Variants in MOGAT1 observed in about 807,000 individuals in gnomAD.
The protein encoded by MOGAT1 is 2-acylglycerol O-acyltransferase 1.
MOGAT1 carries 32 observed loss-of-function variants against 31.4 expected under a neutral mutation model. That is an observed-to-expected ratio of 1.02 (90% CI 0.77 to 1.37). The LOEUF (loss-of-function observed/expected upper bound fraction) is 1.37, where lower values mean the gene tolerates loss of function less well. Among genes scored for constraint, MOGAT1 ranks in the 40% most tolerant of loss-of-function variants. The pLI, the probability that MOGAT1 is intolerant of heterozygous loss-of-function variation, is 0.00. For missense variants in MOGAT1, 426 were observed against 402.0 expected, an observed-to-expected ratio of 1.06 and a Z score of -0.51; for synonymous variants, 145 against 144.5, an observed-to-expected ratio of 1.00 and a Z score of -0.03.
intron 1 of MOGAT1, among the ~76,000 whole-genome samples, chr2:222,687,478 T>G (rs1281383912): frequency 6.6e-6 from 1 of 152,254 alleles, no homozygotes; most frequent in Non-Finnish European, 1.5e-5. Flanking sequence ...GTTTCTCTTT[T>G]CATAATTTTT....
chr2:222,695,343 T>C, intron 5 of MOGAT1, 55 bp downstream of exon 5: 5 of 1,250,526 alleles, frequency 4.0e-6, no homozygotes, highest in Non-Finnish European at 5.5e-6. Flanking sequence ...TGTTTCTTGT[T>C]ATTGATTGAG....
chr2:222,709,828 T>C lies in MOGAT1; in HGVS notation c.946T>C (p.Leu316=), dbSNP rs1693088209. 6.2e-7 allele frequency: 1 copy of C among 1,613,424 alleles called. No homozygotes were observed. The highest frequency in any genetic ancestry group is 1.7e-5 in the Admixed American group (1 of 59,992). ...HQTYMEELRK[L]FEEHKGKYGI... Reference sequence around the variant, plus strand: ...GACCTATATGGAGGAACTTAGGAAATTGTTTGAGGAACACAAAGGAAAGTA... The same window carrying C: ...GACCTATATGGAGGAACTTAGGAAACTGTTTGAGGAACACAAAGGAAAGTA... The change falls in exon 6 of 6, where the codon TTG becomes CTG. Residue 316 remains leucine (L), a synonymous_variant. Transcript: ENST00000446656.
chr2:222,709,779 G>C lies in MOGAT1; in HGVS notation c.897G>C (p.Gln299His). Reference sequence around the variant, plus strand: ...TTCGTCAGACTCTGAACCCGACCCAGGAGCAGATTGAGGAGTTACATCAGA... The same window carrying C: ...TTCGTCAGACTCTGAACCCGACCCACGAGCAGATTGAGGAGTTACATCAGA... The part of the protein sequence containing the change: ...IPVRQTLNPT[Q>H]EQIEELHQTY... Residue 299 changes from glutamine (Q) to histidine (H), a missense_variant, in exon 6 of 6, where the codon CAG (glutamine) becomes CAC (histidine). By Grantham distance (24) the Gln-to-His change is conservative (BLOSUM62 0). Transcript: ENST00000446656. 11 of 1,613,472 alleles carry C rather than the reference G, an allele frequency of 6.8e-6. No homozygotes were observed. The highest frequency in any genetic ancestry group is 9.3e-6 in the Non-Finnish European group (11 of 1,179,640).
At chr2:222,694,944 TC>T in intron 4 of MOGAT1, 144 bp from the exon 5 acceptor site, 1 of 535,120 alleles carries the variant, frequency 1.9e-6, no homozygotes. Flanking sequence ...TAAGACAGTT[TC>T]AATGAACGTG....
At chr2:222,702,265 T>C (rs1337984668) in intron 5 of MOGAT1, among the ~76,000 whole-genome samples, 2 of 152,184 alleles carry the variant, frequency 1.3e-5, no homozygotes, top group Non-Finnish European at 2.9e-5. Context: ...CAACAGCTGT[T>C]GTAGATTGAT....
At chr2:222,679,979 T>A (rs542703224) in intron 1 of MOGAT1, among the ~76,000 whole-genome samples, 1 of 152,294 alleles carries the variant, frequency 6.6e-6, no homozygotes, top group African/African-American at 2.4e-5. Context: ...TCTTGTTCTG[T>A]TTTCTTTGTT....
intron 1 of MOGAT1, among the ~76,000 whole-genome samples, chr2:222,683,287 T>C (rs1019130357): frequency 1.3e-5 from 2 of 151,450 alleles, no homozygotes; most frequent in Admixed American, 1.3e-4. Context: ...AACTGCTTAA[T>C]GGGTAAAGGG....
intron 5 of MOGAT1, among the ~76,000 whole-genome samples, chr2:222,702,222 C>A (rs1333313366): frequency 6.6e-6 from 1 of 151,996 alleles, no homozygotes; most frequent in East Asian, 1.9e-4. Flanking sequence ...TCATAAGAGA[C>A]AAGAGGGAGG....
At chr2:222,679,822 C>T (rs1006917265) in intron 1 of MOGAT1, among the ~76,000 whole-genome samples, 1 of 152,228 alleles carries the variant, frequency 6.6e-6, no homozygotes, top group Admixed American at 6.5e-5. Context: ...TTCAAGGAAG[C>T]AGGTAGATCT....
Position 222,709,759 on chromosome 2 carries a change from C to A in MOGAT1, c.877C>A (p.Gln293Lys). 6.2e-7 allele frequency: 1 copy of A among 1,613,058 alleles called. No individual in the cohort carries two copies. The change falls in exon 6 of 6, where the codon CAG becomes AAG. Residue 293 changes from glutamine to lysine, a missense_variant. Coordinates refer to ENST00000446656, the MANE Select transcript of MOGAT1 (RefSeq NM_058165.3). ...AGTTGGCCGCCCGATCCCTGTTCGT[C>A]AGACTCTGAACCCGACCCAGGAGCA... ...TVVGRPIPVR[Q>K]TLNPTQEQIE...
rs1692810533 is a variant in MOGAT1 at position 222,694,401 on chromosome 2, T to C, written c.518T>C (p.Val173Ala). The C allele has an allele frequency of 2.5e-6, 4 of 1,613,446 alleles. No homozygotes were observed. The highest frequency in any genetic ancestry group is 2.7e-5 in the African/African-American group (2 of 75,032). ...SVSKKSVSYMVSKEGGGNISV... is the reference protein window; with the variant it reads ...SVSKKSVSYMASKEGGGNISV... Reference sequence around the variant, plus strand: ...TCCAAGAAAAGTGTGTCCTACATGGTAAGCAAGGAGGGAGGTGGAAACATC... The same window carrying C: ...TCCAAGAAAAGTGTGTCCTACATGGCAAGCAAGGAGGGAGGTGGAAACATC... The change falls in exon 4 of 6, where the codon GTA becomes GCA. Residue 173 changes from valine (V) to alanine (A), a missense_variant. Coordinates refer to ENST00000446656, the MANE Select transcript of MOGAT1 (RefSeq NM_058165.3).
chr2:222,692,997 C>T (rs1238784367), intron 3 of MOGAT1, among the ~76,000 whole-genome samples: 1 of 152,184 alleles, frequency 6.6e-6, no homozygotes, highest in African/African-American at 2.4e-5. Flanking sequence ...GCATCCTCTG[C>T]CTCTTAAGAG....
chr2:222,677,381 C>T (rs1160223587), intron 1 of MOGAT1, among the ~76,000 whole-genome samples: 2 of 152,118 alleles, frequency 1.3e-5, no homozygotes, highest in Admixed American at 6.6e-5. Context: ...GAGATCAAGA[C>T]CATCCTGGCT....
intron 1 of MOGAT1, among the ~76,000 whole-genome samples, chr2:222,675,479 T>C (rs898270952): frequency 8.9e-6 from 1 of 112,908 alleles, no homozygotes; most frequent in African/African-American, 2.8e-5. Flanking sequence ...AATTTTCTTT[T>C]TCTTTTTTTT....
chr2:222,689,533 C>T, intron 3 of MOGAT1, 64 bp downstream of exon 3: 1 of 1,432,002 alleles, frequency 7.0e-7, no homozygotes, highest in South Asian at 1.2e-5. Context: ...CAGAACATTC[C>T]CTCCCAGGCC....
At chr2:222,700,324 T>A (rs1692901316) in intron 5 of MOGAT1, among the ~76,000 whole-genome samples, 1 of 152,192 alleles carries the variant, frequency 6.6e-6, no homozygotes, top group Non-Finnish European at 1.5e-5. Context: ...CAGTCAAGGG[T>A]TGAATGGAAT....
intron 1 of MOGAT1, among the ~76,000 whole-genome samples, chr2:222,678,462 C>A (rs1692529787): frequency 1.3e-5 from 2 of 151,960 alleles, no homozygotes; most frequent in Admixed American, 6.6e-5. Flanking sequence ...TTTGAGAGTT[C>A]TTGTGTATTC....
intron 5 of MOGAT1, among the ~76,000 whole-genome samples, chr2:222,705,249 A>G (rs981492152): frequency 6.6e-6 from 1 of 152,076 alleles, no homozygotes; most frequent in Non-Finnish European, 1.5e-5. Flanking sequence ...CTTTACTGCA[A>G]CCTGTTTTAT....
At chr2:222,689,234 T>C in intron 2 of MOGAT1, 31 bp from the exon 3 acceptor site, 1 of 1,529,592 alleles carries the variant, frequency 6.5e-7, no homozygotes, top group Non-Finnish European at 8.8e-7. Flanking sequence ...AAGTTTCTTT[T>C]TTTTAAAATC....
Sources: gnomAD v4.1 joint callset for allele counts (sites outside exome capture counted in the v4.1 genomes callset) on GRCh38, gnomAD v4.1.1 for gene constraint, MANE v1.5 for transcripts, NCBI Gene and HGNC (gene_info 2026-07-23, HGNC 2026-07-21) for gene names.